The following CDK13 variants were observed in gnomAD, a reference collection of about 807,000 sequenced individuals.
CDK13 encodes the protein cyclin-dependent kinase 13.
A neutral mutation model predicts 137.6 loss-of-function variants in CDK13; 40 were observed. The observed-to-expected ratio is 0.29, with a 90% CI of 0.23 to 0.38. The LOEUF is 0.38. CDK13 is among the 10% of genes least tolerant of loss of function. The pLI is 1.00. For missense variants in CDK13, 1,704 were observed against 1,951.8 expected, an observed-to-expected ratio of 0.87 and a Z score of 2.39; for synonymous variants, 869 against 760.1, an observed-to-expected ratio of 1.14 and a Z score of -2.36.
chr7:40,065,031 A>G lies in CDK13; in HGVS notation c.2780+1931A>G, dbSNP rs890239602. On this transcript the variant is annotated intron_variant, in intron 9 of 13. Coordinates refer to ENST00000181839, the MANE Select transcript of CDK13 (RefSeq NM_003718.5). Reference sequence around the variant, plus strand: ...TCTATGTTGCCCAGGCTGGTCTCCAACTCTTGGACTCAAGCGATCATCCTG... The same window carrying G: ...TCTATGTTGCCCAGGCTGGTCTCCAGCTCTTGGACTCAAGCGATCATCCTG... Among the ~76,000 whole-genome samples, 21 of 122,654 alleles carry G rather than the reference A, an allele frequency of 1.7e-4. No individual in the cohort carries two copies. The East Asian group carries it at 3.9e-3, about 23-fold the overall frequency. 80.5% of individuals were successfully genotyped at this position (122,654 alleles called of 152,430 possible).
chr7:39,960,431 G>T (rs1477540298), intron 1 of CDK13, among the ~76,000 whole-genome samples: 1 of 151,556 alleles, frequency 6.6e-6, no homozygotes, highest in Non-Finnish European at 1.5e-5. Flanking sequence ...AATTTTTTTT[G>T]TGTTTTCAGT....
chr7:40,099,096 AG>A lies in CDK13; in HGVS notation c.*4119del, dbSNP rs1283321742. The A allele has an allele frequency of 3.3e-5, 5 of 152,002 alleles. No homozygotes were observed. The East Asian group carries it at 7.7e-4, about 23-fold the overall frequency. The allele number at this position is 152,002 out of a possible 1,614,324, so 9.4% of individuals were successfully genotyped here. A position where few individuals can be genotyped will look rare whatever the true frequency, so the allele number is the denominator to read the frequency against. On this transcript the variant is annotated 3_prime_UTR_variant, in exon 14 of 14. Coordinates refer to ENST00000181839, the MANE Select transcript of CDK13 (RefSeq NM_003718.5). ...AAAAAAACAACAAAAAAATACTTTC[AG>A]GGTTTTGTAATTTCAAGTGGTTTTT...
In CDK13 at chr7:40,095,025, T is replaced by C. The variant is rs761728897; in HGVS notation, c.*45T>C. 4.5e-6 allele frequency: 6 copies of C among 1,342,422 alleles called. No homozygotes were observed. Among genetic ancestry groups the C allele is most frequent in the Middle Eastern group, 2.0e-4 (1 of 5,036 alleles). The allele number at this position is 1,342,422 out of a possible 1,614,324, so 83.2% of individuals were successfully genotyped here. Reference sequence around the variant, plus strand: ...CACATCATTTTTATCTGGAAAGACTTTTCTAGCTGCAATTTAAGGCAGCAA... The same window carrying C: ...CACATCATTTTTATCTGGAAAGACTCTTCTAGCTGCAATTTAAGGCAGCAA... On this transcript the variant is annotated 3_prime_UTR_variant, in exon 14 of 14. Transcript: ENST00000181839.
At chr7:40,091,391 C>T (rs895906524) in intron 12 of CDK13, among the ~76,000 whole-genome samples, 21 of 151,762 alleles carry the variant, frequency 1.4e-4, no homozygotes, top group African/African-American at 3.4e-4. Flanking sequence ...CATGGTGGCA[C>T]GCGCCTGTAA....
intron 1 of CDK13, among the ~76,000 whole-genome samples, chr7:39,969,465 A>T (rs1042021848): frequency 3.3e-5 from 5 of 152,194 alleles, no homozygotes; most frequent in African/African-American, 1.2e-4. Context: ...TTTGGCTGTT[A>T]TGAGCAAAGC....
Position 39,950,929 on chromosome 7 carries a change from G to A in CDK13, c.288G>A (p.Lys96=). The change falls in exon 1 of 14, where the codon AAG becomes AAA. Residue 96 remains lysine, a synonymous_variant. Transcript: ENST00000181839. ...PLEVKRLARG[K]RRAGGRQKRR... is the part of the protein sequence containing the mutation. ...AGGTCAAGCGGCTGGCGAGAGGCAA[G>A]AGGCGCGCAGGAGGGCGGCAGAAGC... 1.5e-6 allele frequency: 2 copies of A among 1,320,670 alleles called. No individual in the cohort carries two copies. Among genetic ancestry groups the A allele is most frequent in the Non-Finnish European group, 1.9e-6 (2 of 1,040,826 alleles). 81.8% of individuals were successfully genotyped at this position (1,320,670 alleles called of 1,614,324 possible).
At chr7:40,089,085 A>AG (rs762679822) in intron 12 of CDK13, among the ~76,000 whole-genome samples, 1 of 148,474 alleles carries the variant, frequency 6.7e-6, no homozygotes, top group Non-Finnish European at 1.5e-5. Context: ...ATCTCAAAAT[A>AG]TGTGTGTGTG....
intron 5 of CDK13, among the ~76,000 whole-genome samples, chr7:40,030,471 C>G (rs1785353610): frequency 7.7e-6 from 1 of 130,560 alleles, no homozygotes. Context: ...CTTGGTCTGA[C>G]ACCCAGGCTG....
chr7:39,966,024 G>A (rs1462736739), intron 1 of CDK13, among the ~76,000 whole-genome samples: 2 of 152,138 alleles, frequency 1.3e-5, no homozygotes, highest in Non-Finnish European at 1.5e-5. Context: ...TGGGTAACCC[G>A]ACCTTTCTCT....
intron 5 of CDK13, among the ~76,000 whole-genome samples, chr7:40,042,711 C>A (rs995720663): frequency 1.3e-5 from 2 of 150,954 alleles, no homozygotes; most frequent in Non-Finnish European, 1.5e-5. Context: ...AACTTACGGC[C>A]TCAAGCGATC....
At position 40,088,398 on chromosome 7, in the gene CDK13, C is replaced by G. The variant is rs1039509942; in HGVS notation, c.3235+67C>G. Reference sequence around the variant, plus strand: ...TGCAGTTAATTCTGATCATATTGCTCTAATGTTAAAGCATCTTGTGGCTAA... The same window carrying G: ...TGCAGTTAATTCTGATCATATTGCTGTAATGTTAAAGCATCTTGTGGCTAA... On this transcript the variant is annotated intron_variant, in intron 12 of 13. Coordinates refer to ENST00000181839, the MANE Select transcript of CDK13 (RefSeq NM_003718.5). 3.3e-6 allele frequency: 4 copies of G among 1,225,080 alleles called. No individual in the cohort carries two copies. The African/African-American group carries it at 6.0e-5, about 18-fold the overall frequency. The allele number at this position is 1,225,080 out of a possible 1,614,324, so 75.9% of individuals were successfully genotyped here.
rs190389132 is a variant in CDK13, at chr7:39,956,308, A to T, written c.1211+4456A>T. On this transcript the variant is annotated intron_variant, in intron 1 of 13. Coordinates refer to ENST00000181839, the MANE Select transcript of CDK13 (RefSeq NM_003718.5). ...AGCTGTAATCATTATTTTCATTCTC[A>T]AAGTGATGGCCTTGTGTTTTGCTCC... is the stretch of plus-strand genomic sequence containing the variant. Among the ~76,000 whole-genome samples the T allele has an allele frequency of 1.8e-3, 279 of 152,324 alleles. 3 individuals carry two copies. The highest frequency in any genetic ancestry group is 4.6e-4 in the Non-Finnish European group (31 of 68,028).
chr7:39,971,562 C>T (rs1327790835), intron 1 of CDK13, among the ~76,000 whole-genome samples: 1 of 151,138 alleles, frequency 6.6e-6, no homozygotes, highest in Non-Finnish European at 1.5e-5. Context: ...TATTTTCTAG[C>T]AAACTATTCC....
Position 40,099,290 on chromosome 7 carries a change from T to A in CDK13, c.*4310T>A, listed in dbSNP as rs1238412133. 2 of 152,170 alleles carry A rather than the reference T, an allele frequency of 1.3e-5. No homozygotes were observed. The highest frequency in any genetic ancestry group is 2.9e-5 in the Non-Finnish European group (2 of 68,012). The allele number at this position is 152,170 out of a possible 1,614,324, so 9.4% of individuals were successfully genotyped here. The stretch of plus-strand genomic sequence containing the variant: ...AGGGAAGAACTTATCCTTTTAATTT[T>A]ATGGACTAACAGAGTCTGCAGGTCT... On this transcript the variant is annotated 3_prime_UTR_variant, in exon 14 of 14. Coordinates refer to ENST00000181839, the MANE Select transcript of CDK13 (RefSeq NM_003718.5).
At chr7:40,065,715 T>A (rs1043296454) in intron 9 of CDK13, among the ~76,000 whole-genome samples, 4 of 152,056 alleles carry the variant, frequency 2.6e-5, no homozygotes, top group Admixed American at 6.6e-5. Flanking sequence ...GCAAATTAAT[T>A]AAGCATTCTA....
chr7:40,000,987 CAT>C (rs1394100286), intron 4 of CDK13, among the ~76,000 whole-genome samples: 3 of 152,056 alleles, frequency 2.0e-5, no homozygotes, highest in Non-Finnish European at 4.4e-5. Context: ...TGGGGAAGAA[CAT>C]ATATTTTTGA....
chr7:39,950,285 G>C lies in CDK13; in HGVS notation c.-357G>C, dbSNP rs1341654932. The C allele has an allele frequency of 9.3e-7, 1 of 1,071,302 alleles. No homozygotes were observed. Among genetic ancestry groups the C allele is most frequent in the Non-Finnish European group, 1.1e-6 (1 of 885,744 alleles). The allele number at this position is 1,071,302 out of a possible 1,614,324, so 66.4% of individuals were successfully genotyped here. A position where few individuals can be genotyped will look rare whatever the true frequency, so the allele number is the denominator to read the frequency against. On this transcript the variant is annotated 5_prime_UTR_variant, in exon 1 of 14. Coordinates refer to ENST00000181839, the MANE Select transcript of CDK13 (RefSeq NM_003718.5). ...CCGCGTTGCGCTGCCCGAGCCGAGA[G>C]CGCGGCCAAGGCCGCTCCCCCACCC...
intron 5 of CDK13, among the ~76,000 whole-genome samples, chr7:40,026,463 C>T (rs574568320): frequency 5.3e-5 from 8 of 152,102 alleles, no homozygotes; most frequent in Non-Finnish European, 1.2e-4. Context: ...TAGTGAGCTG[C>T]GATTGCAGCA....
At chr7:40,012,559 C>G (rs1291301724) in intron 5 of CDK13, among the ~76,000 whole-genome samples, 3 of 152,058 alleles carry the variant, frequency 2.0e-5, no homozygotes, top group African/African-American at 7.2e-5. Context: ...ATGATCACTC[C>G]ATTGCACTTC....
Sources: gnomAD v4.1 joint callset for allele counts (sites outside exome capture counted in the v4.1 genomes callset) on GRCh38, gnomAD v4.1.1 for gene constraint, MANE v1.5 for transcripts, NCBI Gene and HGNC (gene_info 2026-07-23, HGNC 2026-07-21) for gene names.